TASP1: variants seen among roughly 807,000 people sequenced by gnomAD.
The protein encoded by TASP1 is threonine aspartase 1.
A neutral mutation model predicts 56.6 loss-of-function variants in TASP1; 16 were observed. The ratio of observed to expected loss-of-function variants is 0.28; its 90% CI spans 0.19 to 0.43. The LOEUF (loss-of-function observed/expected upper bound fraction) is 0.43. Among genes scored for constraint, TASP1 ranks in the 20% least tolerant of loss-of-function variants. The pLI is 1.00. For missense variants in TASP1, 393 were observed against 511.6 expected (o/e 0.77, Z 2.24); for synonymous variants, 179 against 184.2 (o/e 0.97, Z 0.23).
At chr20:13,407,394 T>C (rs996317924) in intron 13 of TASP1, among the ~76,000 whole-genome samples, 56 of 152,366 alleles carry the variant, frequency 3.7e-4, no homozygotes, top group African/African-American at 1.3e-3. Flanking sequence ...CAAGCTACAG[T>C]ATATATCTGC....
the TASP1 span, among the ~76,000 whole-genome samples, chr20:13,194,706 A>C: frequency 6.6e-6 from 1 of 152,036 alleles, no homozygotes; most frequent in Non-Finnish European, 1.5e-5. Context: ...TCTCATATAC[A>C]TTTAAAATTT....
intron 2 of TASP1, among the ~76,000 whole-genome samples, chr20:13,628,273 AT>A (rs1469003926): frequency 5.3e-5 from 8 of 152,182 alleles, no homozygotes; most frequent in Non-Finnish European, 8.8e-5. Flanking sequence ...GCTTTATGTT[AT>A]TGCTTGTTAC....
chr20:13,157,886 T>C, the TASP1 span, among the ~76,000 whole-genome samples: 1 of 152,232 alleles, frequency 6.6e-6, no homozygotes, highest in Non-Finnish European at 1.5e-5. Flanking sequence ...CATTTGGTCA[T>C]TTAAAAACCT....
At chr20:13,395,625 C>A (rs1218192838) in intron 13 of TASP1, among the ~76,000 whole-genome samples, 1 of 151,812 alleles carries the variant, frequency 6.6e-6, no homozygotes, top group Non-Finnish European at 1.5e-5. Context: ...GTATTGTGAA[C>A]TGGGTAGTAC....
chr20:13,529,862 G>A (rs757875683), intron 9 of TASP1, among the ~76,000 whole-genome samples: 14 of 152,184 alleles, frequency 9.2e-5, no homozygotes, highest in South Asian at 6.2e-4. Flanking sequence ...TACCCAGAGC[G>A]GGAATCTCCA....
At chr20:13,188,270 A>G in the TASP1 span, among the ~76,000 whole-genome samples, 1 of 152,184 alleles carries the variant, frequency 6.6e-6, no homozygotes, top group African/African-American at 2.4e-5. Context: ...CTGCTTGCTG[A>G]TGGCATGATC....
intron 4 of TASP1, among the ~76,000 whole-genome samples, chr20:13,621,516 A>T (rs1445848359): frequency 6.6e-6 from 1 of 152,176 alleles, no homozygotes; most frequent in African/African-American, 2.4e-5. Flanking sequence ...CTATGCTACC[A>T]TTATCCTTAT....
chr20:13,282,016 G>A, the TASP1 span, among the ~76,000 whole-genome samples: 1 of 152,168 alleles, frequency 6.6e-6, no homozygotes, highest in African/African-American at 2.4e-5. Context: ...CAGACCTACT[G>A]AGTCAGAAAC....
chr20:13,522,074 T>C (rs1568541974), intron 10 of TASP1, among the ~76,000 whole-genome samples: 1 of 152,092 alleles, frequency 6.6e-6, no homozygotes, highest in Non-Finnish European at 1.5e-5. Context: ...GTGCGTGGCA[T>C]GTGTGAAGTA....
chr20:13,222,132 G>T, the TASP1 span, among the ~76,000 whole-genome samples: 1 of 152,222 alleles, frequency 6.6e-6, no homozygotes, highest in Non-Finnish European at 1.5e-5. Context: ...TCTGCGGGCT[G>T]CGCTCCTTCA....
the TASP1 span, among the ~76,000 whole-genome samples, chr20:13,181,515 C>G: frequency 6.6e-6 from 1 of 152,216 alleles, no homozygotes. Flanking sequence ...GTCACGAGAG[C>G]TTGCTCAGTA....
chr20:13,387,986 C>T (rs543451888), downstream of TASP1, among the ~76,000 whole-genome samples: 3 of 152,312 alleles, frequency 2.0e-5, no homozygotes, highest in East Asian at 5.8e-4. Flanking sequence ...CCTGAAGATG[C>T]CCCTGTTTCC....
At chr20:13,206,607 C>A in the TASP1 span, among the ~76,000 whole-genome samples, 1 of 151,978 alleles carries the variant, frequency 6.6e-6, no homozygotes, top group East Asian at 1.9e-4. Flanking sequence ...CATTCAAAAC[C>A]CAAGATTCCT....
the TASP1 span, chr20:13,279,519 T>G: frequency 9.5e-7 from 1 of 1,056,700 alleles, no homozygotes; most frequent in East Asian, 2.6e-5. Flanking sequence ...TCAGCTTTCC[T>G]TCACAACGGA....
the TASP1 span, among the ~76,000 whole-genome samples, chr20:13,264,897 G>T: frequency 6.6e-6 from 1 of 152,122 alleles, no homozygotes; most frequent in Non-Finnish European, 1.5e-5. Flanking sequence ...GAGGAAGGAG[G>T]GATGAGATCC....
the TASP1 span, among the ~76,000 whole-genome samples, chr20:13,265,901 G>A: frequency 6.6e-6 from 1 of 152,036 alleles, no homozygotes; most frequent in East Asian, 1.9e-4. Flanking sequence ...ATACTATCAG[G>A]GACCTAAGCC....
intron 10 of TASP1, among the ~76,000 whole-genome samples, chr20:13,513,086 C>T (rs956686563): frequency 3.9e-5 from 6 of 152,052 alleles, no homozygotes; most frequent in African/African-American, 1.4e-4. Flanking sequence ...GCAATGTGGG[C>T]TCTTTTTTGG....
chr20:13,141,420 C>A, the TASP1 span, among the ~76,000 whole-genome samples: 1 of 152,176 alleles, frequency 6.6e-6, no homozygotes, highest in Admixed American at 6.5e-5. Context: ...TAAAAAAAAT[C>A]TTCTCACATT....
intron 11 of TASP1, among the ~76,000 whole-genome samples, chr20:13,451,080 C>T (rs2043599752): frequency 6.6e-6 from 1 of 152,060 alleles, no homozygotes; most frequent in South Asian, 2.1e-4. Flanking sequence ...TAGAACAAAA[C>T]TATTTTGAAA....
Sources: gnomAD v4.1 joint callset for allele counts (sites outside exome capture counted in the v4.1 genomes callset) on GRCh38, gnomAD v4.1.1 for gene constraint, MANE v1.5 for transcripts, NCBI Gene and HGNC (gene_info 2026-07-23, HGNC 2026-07-21) for gene names.